Variants in NRG3 observed in about 807,000 individuals in gnomAD.
NRG3 encodes the protein neuregulin 3.
A neutral mutation model predicts 66.9 loss-of-function variants in NRG3; 31 were observed. That is an observed-to-expected ratio of 0.46 (90% CI 0.35 to 0.63). The LOEUF (loss-of-function observed/expected upper bound fraction) is 0.63, where lower values mean the gene tolerates loss of function less well. Ranked by LOEUF, NRG3 falls within the 20% of genes least tolerant of loss-of-function variation. The pLI, the probability that NRG3 is intolerant of heterozygous loss-of-function variation, is 0.00. For missense variants in NRG3, 910 were observed against 878.9 expected, an observed-to-expected ratio of 1.04 and a Z score of -0.45; for synonymous variants, 393 against 359.4, an observed-to-expected ratio of 1.09 and a Z score of -1.06.
chr10:82,949,357 T>C (rs1849306988), intron 4 of NRG3, among the ~76,000 whole-genome samples: 1 of 152,136 alleles, frequency 6.6e-6, no homozygotes, highest in African/African-American at 2.4e-5. Context: ...TCTTCGTCTT[T>C]TTCGGAATCA....
intron 2 of NRG3, among the ~76,000 whole-genome samples, chr10:82,736,497 C>T (rs2058160562): frequency 6.6e-6 from 1 of 152,218 alleles, no homozygotes; most frequent in African/African-American, 2.4e-5. Context: ...CCACACAGCC[C>T]CTGGGGGGCT....
At chr10:82,232,919 T>C in intron 1 of NRG3, 2 of 696,038 alleles carry the variant, frequency 2.9e-6, no homozygotes, top group South Asian at 3.1e-5. Flanking sequence ...TCTCCAGAAT[T>C]TGGGAAACAG....
At chr10:82,874,478 A>G (rs776642104) in intron 4 of NRG3, among the ~76,000 whole-genome samples, 55 of 150,616 alleles carry the variant, frequency 3.7e-4, no homozygotes, top group Non-Finnish European at 1.9e-4. Context: ...AATATATTAT[A>G]TTTCTGTATA....
chr10:82,528,396 T>A (rs1418161468), intron 2 of NRG3, among the ~76,000 whole-genome samples: 1 of 152,148 alleles, frequency 6.6e-6, no homozygotes, highest in Non-Finnish European at 1.5e-5. Context: ...GATTTGCAAA[T>A]ACATTAAGGT....
At chr10:82,190,475 C>T (rs2074075005) in intron 1 of NRG3, among the ~76,000 whole-genome samples, 1 of 152,080 alleles carries the variant, frequency 6.6e-6, no homozygotes, top group African/African-American at 2.4e-5. Context: ...TTTTCTTAAT[C>T]TCTCAAAGTT....
intron 2 of NRG3, among the ~76,000 whole-genome samples, chr10:82,491,409 T>C (rs1843137047): frequency 6.7e-6 from 1 of 149,404 alleles, no homozygotes; most frequent in South Asian, 2.1e-4. Context: ...AGAATGTAAA[T>C]ACCACAAGGG....
At chr10:82,208,824 T>C (rs142803126) in intron 1 of NRG3, among the ~76,000 whole-genome samples, 123 of 152,288 alleles carry the variant, frequency 8.1e-4, no homozygotes, top group African/African-American at 2.9e-3. Context: ...ATTAGCAAGC[T>C]GTTGGTGTAA....
intron 1 of NRG3, among the ~76,000 whole-genome samples, chr10:82,322,065 C>T (rs1442259858): frequency 6.6e-6 from 1 of 152,158 alleles, no homozygotes; most frequent in Non-Finnish European, 1.5e-5. Context: ...ATCTATTCTC[C>T]TGGCATAGTA....
At chr10:81,923,190 T>C (rs1846416701) in intron 1 of NRG3, among the ~76,000 whole-genome samples, 1 of 152,176 alleles carries the variant, frequency 6.6e-6, no homozygotes, top group Admixed American at 6.5e-5. Flanking sequence ...ATCATCTTTC[T>C]AACTCACAAC....
At chr10:82,925,525 G>A (rs1156921567) in intron 4 of NRG3, among the ~76,000 whole-genome samples, 1 of 152,224 alleles carries the variant, frequency 6.6e-6, no homozygotes, top group Non-Finnish European at 1.5e-5. Flanking sequence ...GTTGTTGTCT[G>A]TGAGGCCTTT....
At chr10:82,513,830 C>T (rs1166747926) in intron 2 of NRG3, among the ~76,000 whole-genome samples, 1 of 152,152 alleles carries the variant, frequency 6.6e-6, no homozygotes, top group East Asian at 1.9e-4. Context: ...TTCTCCACAG[C>T]CTTGCCAGCA....
At chr10:82,959,573 C>T (rs553715808) in intron 6 of NRG3, among the ~76,000 whole-genome samples, 3 of 152,128 alleles carry the variant, frequency 2.0e-5, no homozygotes, top group East Asian at 1.9e-4. Flanking sequence ...GAGTCGGACT[C>T]GGACTGGGTT....
rs149659628 is a variant in NRG3, at chr10:82,002,253, G to A, written c.823+126090G>A. Reference sequence around the variant, plus strand: ...TTACTCTTGGGACCTCATTACCTGAGTCCCAGGACACCTCAAACTTCTCTG... The same window carrying A: ...TTACTCTTGGGACCTCATTACCTGAATCCCAGGACACCTCAAACTTCTCTG... On this transcript the variant is annotated intron_variant, in intron 1 of 8. Transcript: ENST00000372141. Among the ~76,000 whole-genome samples the A allele has an allele frequency of 3.7e-3, 557 of 152,186 alleles. 1 individual carries two copies. The highest frequency in any genetic ancestry group is 0.013 in the African/African-American group (532 of 41,502).
At chr10:82,501,602 C>T (rs960353949) in intron 2 of NRG3, among the ~76,000 whole-genome samples, 1 of 152,094 alleles carries the variant, frequency 6.6e-6, no homozygotes, top group East Asian at 1.9e-4. Context: ...CGGGGAGCCT[C>T]TTGCCTTAGC....
intron 3 of NRG3, among the ~76,000 whole-genome samples, chr10:82,780,649 A>C (rs937322727): frequency 3.3e-5 from 5 of 152,070 alleles, no homozygotes; most frequent in Non-Finnish European, 7.4e-5. Flanking sequence ...AACCATGTAA[A>C]TACTGATCTA....
intron 1 of NRG3, among the ~76,000 whole-genome samples, chr10:82,310,616 G>A (rs1415251320): frequency 1.3e-5 from 2 of 152,136 alleles, no homozygotes; most frequent in Non-Finnish European, 2.9e-5. Context: ...GGCCGTAAGG[G>A]TAGCTGGGTA....
intron 2 of NRG3, among the ~76,000 whole-genome samples, chr10:82,495,141 A>G (rs1406791079): frequency 6.6e-6 from 1 of 151,888 alleles, no homozygotes; most frequent in African/African-American, 2.4e-5. Flanking sequence ...GGGTTTCATC[A>G]TGCCAGGCTA....
At chr10:82,415,760 C>A (rs150118424) in intron 2 of NRG3, among the ~76,000 whole-genome samples, 2 of 152,018 alleles carry the variant, frequency 1.3e-5, no homozygotes, top group Non-Finnish European at 2.9e-5. Flanking sequence ...ATTGGTAGGA[C>A]GTGAAAGAAC....
intron 4 of NRG3, among the ~76,000 whole-genome samples, chr10:82,944,205 C>T (rs978582454): frequency 6.6e-6 from 1 of 151,990 alleles, no homozygotes; most frequent in African/African-American, 2.4e-5. Flanking sequence ...TTTTGCATGT[C>T]CCCAGGCTAC....
Sources: gnomAD v4.1 joint callset for allele counts (sites outside exome capture counted in the v4.1 genomes callset) on GRCh38, gnomAD v4.1.1 for gene constraint, MANE v1.5 for transcripts, NCBI Gene and HGNC (gene_info 2026-07-23, HGNC 2026-07-21) for gene names.